ALOX5AP: variants seen among roughly 807,000 people sequenced by gnomAD.
ALOX5AP encodes the protein arachidonate 5-lipoxygenase activating protein.
A neutral mutation model predicts 18.5 loss-of-function variants in ALOX5AP; 9 were observed. The ratio of observed to expected loss-of-function variants is 0.49; its 90% CI spans 0.29 to 0.85. The LOEUF (loss-of-function observed/expected upper bound fraction) is 0.85. Among genes scored for constraint, ALOX5AP ranks in the 40% least tolerant of loss-of-function variants. ALOX5AP has a pLI of 0.08. For missense variants in ALOX5AP, 172 were observed against 202.5 expected, an observed-to-expected ratio of 0.85 and a Z score of 0.91; for synonymous variants, 81 against 78.6, an observed-to-expected ratio of 1.03 and a Z score of -0.16.
chr13:30,756,836 A>C (rs1452248056), intron 4 of ALOX5AP, among the ~76,000 whole-genome samples: 1 of 132,812 alleles, frequency 7.5e-6, no homozygotes, highest in Non-Finnish European at 1.7e-5. Context: ...AAAAAAAAAA[A>C]AAAAGATGCA....
chr13:30,718,382 C>CATATATATATATATATATATAT (rs59562797), intron 1 of ALOX5AP, among the ~76,000 whole-genome samples: 51 of 139,724 alleles, frequency 3.7e-4, no homozygotes, highest in Non-Finnish European at 4.5e-4. Context: ...CACAGATATG[C>CATATATATATATATATATATAT]ATATATATAT....
chr13:30,745,665 T>C (rs940198341), intron 2 of ALOX5AP, among the ~76,000 whole-genome samples: 1 of 152,264 alleles, frequency 6.6e-6, no homozygotes, highest in African/African-American at 2.4e-5. Flanking sequence ...TTAAGACATT[T>C]TAAAACCATT....
intron 1 of ALOX5AP, among the ~76,000 whole-genome samples, chr13:30,715,869 G>A (rs575502726): frequency 6.2e-5 from 9 of 145,286 alleles, no homozygotes; most frequent in Non-Finnish European, 8.9e-5. Flanking sequence ...AGCATTCAAA[G>A]TGATGGAAAT....
chr13:30,722,901 C>T (rs1951605452), intron 1 of ALOX5AP, among the ~76,000 whole-genome samples: 1 of 152,222 alleles, frequency 6.6e-6, no homozygotes. Flanking sequence ...CTCCCCTTCT[C>T]CTTTTGCCAT....
intron 4 of ALOX5AP, among the ~76,000 whole-genome samples, chr13:30,760,519 G>A (rs9578199): frequency 0.038 from 5,811 of 152,312 alleles, 152 homozygotes; most frequent in African/African-American, 0.073. Context: ...GTGTTTTCAT[G>A]TAAGTTTTAT....
intron 1 of ALOX5AP, among the ~76,000 whole-genome samples, chr13:30,736,549 G>A (rs137917946): frequency 1.3e-5 from 2 of 152,328 alleles, no homozygotes; most frequent in African/African-American, 2.4e-5. Context: ...TAGCTTTATG[G>A]TGATTACTGA....
At chr13:30,736,210 T>G (rs909393681) in intron 1 of ALOX5AP, among the ~76,000 whole-genome samples, 1 of 152,206 alleles carries the variant, frequency 6.6e-6, no homozygotes, top group Non-Finnish European at 1.5e-5. Flanking sequence ...ACTTTTTTTT[T>G]TGGTGATACC....
intron 4 of ALOX5AP, 139 bp downstream of exon 4, chr13:30,756,164 A>T (rs1951892154): frequency 1.4e-6 from 1 of 712,292 alleles, no homozygotes; most frequent in African/African-American, 1.8e-5. Context: ...GCTGACTAGG[A>T]CCTCTGATTC....
intron 4 of ALOX5AP, among the ~76,000 whole-genome samples, chr13:30,762,514 G>A (rs571898357): frequency 7.0e-4 from 106 of 151,912 alleles, no homozygotes; most frequent in Non-Finnish European, 1.3e-3. Flanking sequence ...GCTTGAACCC[G>A]GGAGGCAGAG....
intron 1 of ALOX5AP, among the ~76,000 whole-genome samples, chr13:30,720,959 A>T (rs971810288): frequency 3.3e-5 from 5 of 152,112 alleles, no homozygotes; most frequent in African/African-American, 1.2e-4. Context: ...TCTTTGGTTG[A>T]AAGAGTTGTA....
intron 3 of ALOX5AP, among the ~76,000 whole-genome samples, chr13:30,755,187 A>G (rs1464356371): frequency 6.6e-6 from 1 of 152,146 alleles, no homozygotes; most frequent in Non-Finnish European, 1.5e-5. Context: ...TCCTTCCCAA[A>G]AGGCTAGAAC....
At chr13:30,723,701 A>G (rs1324700882) in intron 1 of ALOX5AP, among the ~76,000 whole-genome samples, 1 of 152,204 alleles carries the variant, frequency 6.6e-6, no homozygotes, top group African/African-American at 2.4e-5. Flanking sequence ...TTATGTTTCT[A>G]TGAAACTCAT....
At chr13:30,762,336 C>T (rs920587807) in intron 4 of ALOX5AP, among the ~76,000 whole-genome samples, 2 of 152,152 alleles carry the variant, frequency 1.3e-5, no homozygotes, top group Non-Finnish European at 2.9e-5. Flanking sequence ...CGCCTGTAAT[C>T]CCAGCACTTT....
intron 1 of ALOX5AP, among the ~76,000 whole-genome samples, chr13:30,718,220 A>G (rs1951565031): frequency 6.6e-6 from 1 of 151,712 alleles, no homozygotes; most frequent in South Asian, 2.1e-4. Context: ...CAGCCTCCCA[A>G]AGTGCTGGGA....
chr13:30,753,760 C>T (rs957517570), intron 3 of ALOX5AP, among the ~76,000 whole-genome samples: 4 of 152,208 alleles, frequency 2.6e-5, no homozygotes, highest in Admixed American at 2.6e-4. Flanking sequence ...GAGGCACTCA[C>T]CTTCCTTGCA....
chr13:30,763,852 C>T (rs376979163), intron 4 of ALOX5AP, 92 bp from the exon 5 acceptor site: 2 of 1,215,844 alleles, frequency 1.6e-6, no homozygotes, highest in East Asian at 2.3e-5. Flanking sequence ...ATAATTTAAA[C>T]CCCATATATC....
At chr13:30,742,733 T>C (rs1235275940) in intron 1 of ALOX5AP, among the ~76,000 whole-genome samples, 1 of 152,094 alleles carries the variant, frequency 6.6e-6, no homozygotes, top group South Asian at 2.1e-4. Context: ...AGGAGGATAA[T>C]ATGAAATTGA....
chr13:30,719,585 G>T (rs1593425324), intron 1 of ALOX5AP, among the ~76,000 whole-genome samples: 1 of 152,102 alleles, frequency 6.6e-6, no homozygotes, highest in South Asian at 2.1e-4. Flanking sequence ...AAATAACCAG[G>T]TTGGTTAGGG....
At chr13:30,761,588 C>A in intron 4 of ALOX5AP, among the ~76,000 whole-genome samples, 1 of 152,308 alleles carries the variant, frequency 6.6e-6, no homozygotes, top group South Asian at 2.1e-4. Flanking sequence ...CATCTGCTGG[C>A]GCTGCCATAA....
Sources: allele counts gnomAD v4.1 joint callset (sites outside exome capture counted in the v4.1 genomes callset), GRCh38; gene constraint gnomAD v4.1.1; transcripts MANE v1.5; gene names NCBI Gene and HGNC (gene_info 2026-07-23, HGNC 2026-07-21).